Variants in BEND2 observed in about 807,000 individuals in gnomAD.
The protein encoded by BEND2 is BEN domain-containing protein 2.
In BEND2, 19 loss-of-function variants were observed where a neutral mutation model predicts 43.8. The observed-to-expected ratio is 0.43, with a 90% CI of 0.30 to 0.64. The LOEUF (loss-of-function observed/expected upper bound fraction) is 0.64, where lower values mean the gene tolerates loss of function less well. Among genes scored for constraint, BEND2 ranks in the 30% least tolerant of loss-of-function variants. The pLI, the probability that BEND2 is intolerant of heterozygous loss-of-function variation, is 0.11. For synonymous variants in BEND2, 226 were observed against 210.1 expected, an observed-to-expected ratio of 1.08 and a Z score of -0.66; for missense variants, 544 against 574.0, an observed-to-expected ratio of 0.95 and a Z score of 0.53.
In BEND2 at chrX:18,177,602, A is replaced by G; in HGVS notation, c.1597T>C (p.Ser533Pro). Residue 533 changes from serine (S) to proline (P), a missense_variant, in exon 10 of 14, where the codon TCC (serine) becomes CCC (proline). This residue lies in a region of BEND2 where 501 missense variants were observed against 501.6 expected (regional missense o/e 1.00). Coordinates refer to ENST00000380033, the MANE Select transcript of BEND2 (RefSeq NM_153346.5). ...GCAGCCATTTTGTTCGGGTCGAGGG[A>G]TTGGCTGTCTTTCAAATGGATATCC... is the stretch of plus-strand genomic sequence containing the variant. ...SVDIHLKDSQ[S>P]LDPNKMAALR... 8.3e-7 allele frequency: 1 copy of G among 1,211,440 alleles called. No homozygotes were observed.
intron 4 of BEND2, 52 bp downstream of exon 4, chrX:18,212,513 T>C: frequency 1.1e-6 from 1 of 895,178 alleles, no homozygotes; most frequent in Non-Finnish European, 1.6e-6. Context: ...TACAGCAGAA[T>C]GAAAAGAACA....
chrX:18,198,643 G>A (rs1925039147), intron 6 of BEND2, among the ~76,000 whole-genome samples: 1 of 111,350 alleles, frequency 9.0e-6, no homozygotes, highest in Admixed American at 9.6e-5. Flanking sequence ...AGTCAGGGTG[G>A]CGATTCCTCA....
intron 10 of BEND2, among the ~76,000 whole-genome samples, chrX:18,177,098 T>G (rs192207799): frequency 7.3e-5 from 8 of 109,620 alleles, no homozygotes; most frequent in Non-Finnish European, 1.1e-4. Context: ...TATCCATGAG[T>G]TCTAGGATCT....
In BEND2 at chrX:18,190,766, T is replaced by TCTCA. The variant is rs1439593746; in HGVS notation, c.1288+234_1288+235insTGAG. ...CTCTCTCTCTCTCTCTCTCTCTCTC[T>TCTCA]CACACACACACACACACACACACAC... On this transcript the variant is annotated intron_variant, in intron 8 of 13. Transcript: ENST00000380033. 5.6e-3 allele frequency among the ~76,000 whole-genome samples: 517 copies of TCTCA among 92,991 alleles called. 4 individuals carry two copies. Among genetic ancestry groups the TCTCA allele is most frequent in the African/African-American group, 0.018 (462 of 25,461 alleles). 80.8% of individuals were successfully genotyped at this position (92,991 alleles called of 115,157 possible).
At chrX:18,200,414 A>T (rs1267012009) in intron 6 of BEND2, among the ~76,000 whole-genome samples, 1 of 108,041 alleles carries the variant, frequency 9.3e-6, no homozygotes, top group Non-Finnish European at 1.9e-5. Flanking sequence ...GAGGCATGAG[A>T]ATTGCTTGAA....
Position 18,216,541 on chromosome X carries a change from C to T in BEND2, c.218G>A (p.Arg73His), listed in dbSNP as rs761910556. 4 of 1,204,638 alleles carry T rather than the reference C, an allele frequency of 3.3e-6. No individual in the cohort carries two copies. The highest frequency in any genetic ancestry group is 2.3e-4 in the Middle Eastern group (1 of 4,338). ...ATTACCATATGACATTTGGAGTGGACGGTGATGGCCATCATTGCCGCCTGG... is the reference window on the plus strand; with the variant it reads ...ATTACCATATGACATTTGGAGTGGATGGTGATGGCCATCATTGCCGCCTGG... ...NFPGGNDGHHRPLQMSYGSGS... is the reference protein window; with the variant it reads ...NFPGGNDGHHHPLQMSYGSGS... The change falls in exon 2 of 14, where the codon CGT becomes CAT. Residue 73 changes from arginine (R) to histidine (H), a missense_variant. Physicochemically the swap from Arg to His is conservative, Grantham distance 29. This residue lies in a region of BEND2 where 501 missense variants were observed against 501.6 expected (regional missense o/e 1.00). Coordinates refer to ENST00000380033, the MANE Select transcript of BEND2 (RefSeq NM_153346.5).
At chrX:18,199,446 T>C (rs1353643176) in intron 6 of BEND2, among the ~76,000 whole-genome samples, 1 of 111,520 alleles carries the variant, frequency 9.0e-6, no homozygotes, top group African/African-American at 3.3e-5. Context: ...AACTGACTCA[T>C]GATTAAATTT....
At chrX:18,182,105 A>G (rs915544366) in intron 8 of BEND2, among the ~76,000 whole-genome samples, 1 of 111,831 alleles carries the variant, frequency 8.9e-6, no homozygotes, top group Non-Finnish European at 1.9e-5. Context: ...ACCATGTGAT[A>G]TGGTTTGGAT....
chrX:18,180,414 A>G, intron 9 of BEND2, 96 bp downstream of exon 9: 1 of 1,116,545 alleles, frequency 9.0e-7, no homozygotes, highest in Non-Finnish European at 1.2e-6. Flanking sequence ...CTATCCTCAA[A>G]ATAGGAAACA....
chrX:18,206,584 T>C (rs775280141), intron 4 of BEND2, among the ~76,000 whole-genome samples: 8 of 109,985 alleles, frequency 7.3e-5, no homozygotes, highest in South Asian at 4.0e-4. Context: ...GGACGCCCGA[T>C]TGGGGGCAGC....
At chrX:18,177,909 G>T (rs1602029581) in intron 9 of BEND2, 140 bp from the exon 10 acceptor site, 1 of 601,388 alleles carries the variant, frequency 1.7e-6, no homozygotes, top group Non-Finnish European at 2.5e-6. Flanking sequence ...TCTAATTCAT[G>T]AATTTCTACT....
intron 7 of BEND2, among the ~76,000 whole-genome samples, chrX:18,194,451 G>T (rs1188195710): frequency 9.2e-6 from 1 of 109,270 alleles, no homozygotes; most frequent in Non-Finnish European, 1.9e-5. Flanking sequence ...TGGAAAGGAA[G>T]GAACTATTCA....
chrX:18,165,424 C>T (rs1304952000), intron 13 of BEND2, among the ~76,000 whole-genome samples: 1 of 112,047 alleles, frequency 8.9e-6, no homozygotes, highest in South Asian at 3.7e-4. Context: ...CAGCACCATG[C>T]TTAAATCACA....
In BEND2 at chrX:18,201,421, A is replaced by C. The variant is rs1275476821; in HGVS notation, c.1033+394T>G. ...CAAAAAAAAAAAAAAAAAAAAACAA[A>C]AAAAAAAAAACTGGTGGATCAAGGT... On this transcript the variant is annotated intron_variant, in intron 6 of 13. Transcript: ENST00000380033. Among the ~76,000 whole-genome samples the C allele has an allele frequency of 5.3e-4, 43 of 80,677 alleles. 2 individuals carry two copies. Among genetic ancestry groups the C allele is most frequent in the Middle Eastern group, 6.2e-3 (1 of 161 alleles). 70.1% of individuals were successfully genotyped at this position (80,677 alleles called of 115,157 possible). A position where few individuals can be genotyped will look rare whatever the true frequency, so the allele number is the denominator to read the frequency against.
Position 18,212,607 on chromosome X carries a change from C to T in BEND2, c.450G>A (p.Glu150=), listed in dbSNP as rs1925547216. Residue 150 remains glutamate (E), a synonymous_variant, in exon 4 of 14, where the codon GAG becomes GAA. Transcript: ENST00000380033. ...TTCCTCTTTTTGGAAAATCCACTTC[C>T]TCTGAGTTGTAACTGTATCTTCTTA... The part of the protein sequence containing the change: ...VHLRRYSYNS[E]EVDFPKRGRF... The T allele has an allele frequency of 9.9e-6, 12 of 1,209,382 alleles. No individual in the cohort carries two copies. In the Middle Eastern group the frequency reaches 2.1e-3, roughly 209 times the overall value.
At chrX:18,212,468 C>G in intron 4 of BEND2, 97 bp downstream of exon 4, 2 of 572,732 alleles carry the variant, frequency 3.5e-6, no homozygotes, top group Non-Finnish European at 5.6e-6. Flanking sequence ...GTGCATTTTA[C>G]TGCATGAAAT....
chrX:18,180,676 C>G, intron 8 of BEND2, 26 bp from the exon 9 acceptor site: 1 of 1,116,468 alleles, frequency 9.0e-7, no homozygotes, highest in Non-Finnish European at 1.2e-6. Flanking sequence ...TCTCAACTGA[C>G]AATTCTATAT....
chrX:18,177,817 G>A (rs753809717), intron 9 of BEND2, 48 bp from the exon 10 acceptor site: 2 of 1,049,439 alleles, frequency 1.9e-6, no homozygotes, highest in Non-Finnish European at 2.7e-6. Flanking sequence ...TGTCATGCAA[G>A]GGTACCCTCA....
At chrX:18,213,312 G>A (rs1925568591) in intron 3 of BEND2, among the ~76,000 whole-genome samples, 1 of 112,256 alleles carries the variant, frequency 8.9e-6, no homozygotes, top group African/African-American at 3.2e-5. Flanking sequence ...GAAGACATTG[G>A]CTGCAACAGT....
Sources: allele counts gnomAD v4.1 joint callset (sites outside exome capture counted in the v4.1 genomes callset), GRCh38; gene constraint gnomAD v4.1.1; regional missense constraint gnomAD v4.1.1; transcripts MANE v1.5; gene names NCBI Gene and HGNC (gene_info 2026-07-23, HGNC 2026-07-21).